The following URB2 variants were observed in gnomAD, a reference collection of about 807,000 sequenced individuals.
URB2 encodes unhealthy ribosome biogenesis protein 2 homolog.
Under a neutral mutation model 120.9 loss-of-function variants are expected in URB2, and 86 were observed. The observed-to-expected ratio is 0.71, with a 90% CI of 0.60 to 0.85. The LOEUF is 0.85. Ranked by LOEUF, URB2 falls within the 40% of genes least tolerant of loss-of-function variation. The probability of loss-of-function intolerance (pLI) is 0.00; values close to 1 mark genes in which losing one functional copy is unlikely to be tolerated. For synonymous variants in URB2, 755 were observed against 758.4 expected, an observed-to-expected ratio of 1.00 and a Z score of 0.07; for missense variants, 1,765 against 1,836.5, an observed-to-expected ratio of 0.96 and a Z score of 0.71.
rs541064479 is a variant in URB2 at position 229,647,873 on chromosome 1, T to C, written c.4149+121T>C. ...GATAATAATACAAATAACGATTTGC[T>C]AGGCAAACTTTCTGTTCTAGTAAAT... On this transcript the variant is annotated intron_variant, in intron 7 of 9. Coordinates refer to ENST00000258243, the MANE Select transcript of URB2 (RefSeq NM_014777.4). The C allele has an allele frequency of 3.0e-5, 43 of 1,442,602 alleles. No individual in the cohort carries two copies. The African/African-American group carries it at 4.4e-4, about 15-fold the overall frequency. The allele number at this position is 1,442,602 out of a possible 1,614,324, so 89.4% of individuals were successfully genotyped here. A position where few individuals can be genotyped will look rare whatever the true frequency, so the allele number is the denominator to read the frequency against.
At chr1:229,644,522 C>T (rs1164404211) in intron 5 of URB2, among the ~76,000 whole-genome samples, 2 of 152,160 alleles carry the variant, frequency 1.3e-5, no homozygotes, top group Non-Finnish European at 2.9e-5. Flanking sequence ...GGGAGGCGTG[C>T]ACCGTGCAGG....
At chr1:229,642,811 C>A (rs960703343) in intron 4 of URB2, among the ~76,000 whole-genome samples, 2 of 152,146 alleles carry the variant, frequency 1.3e-5, no homozygotes, top group Non-Finnish European at 2.9e-5. Flanking sequence ...GGTTAAGGCA[C>A]CAACCCCCAG....
chr1:229,645,216 T>C (rs954933313), intron 5 of URB2, among the ~76,000 whole-genome samples: 3 of 148,564 alleles, frequency 2.0e-5, no homozygotes, highest in African/African-American at 7.5e-5. Context: ...GCCCAGGAGG[T>C]GGAGGTTGCA....
intron 2 of URB2, among the ~76,000 whole-genome samples, chr1:229,629,315 T>C (rs1472258219): frequency 6.6e-6 from 1 of 152,244 alleles, no homozygotes; most frequent in Non-Finnish European, 1.5e-5. Context: ...TCCCAGACTT[T>C]CAACTCTTAA....
At chr1:229,630,757 G>A (rs1180582470) in intron 2 of URB2, among the ~76,000 whole-genome samples, 3 of 152,240 alleles carry the variant, frequency 2.0e-5, no homozygotes, top group South Asian at 4.1e-4. Context: ...GGAGGCCAAC[G>A]CAGGTGGATC....
At chr1:229,639,923 G>A (rs1013010028) in intron 4 of URB2, among the ~76,000 whole-genome samples, 4 of 152,208 alleles carry the variant, frequency 2.6e-5, no homozygotes, top group South Asian at 2.1e-4. Flanking sequence ...CTATGCAGCC[G>A]TTAAAAATAT....
At chr1:229,643,084 G>A (rs1000774013) in intron 4 of URB2, among the ~76,000 whole-genome samples, 15 of 152,230 alleles carry the variant, frequency 9.9e-5, no homozygotes, top group African/African-American at 3.4e-4. Context: ...AGTGAAGTAG[G>A]TTATCATCAA....
rs1013329097 is a variant in URB2, at chr1:229,637,461, G to C, written c.2848G>C (p.Gly950Arg). Residue 950 changes from glycine (G) to arginine (R), a missense_variant, in exon 4 of 10, where the codon GGT becomes CGT. By Grantham distance (125) the Gly-to-Arg change is moderately radical. Transcript: ENST00000258243. ...KFLTTCYQLL[G>R]YLQKGKSARS... ...CTTGACGACTTGCTACCAACTTCTT[G>C]GTTACTTGCAAAAGGGGAAAAGTGC... 6.2e-7 allele frequency: 1 copy of C among 1,614,118 alleles called. No homozygotes were observed. Among genetic ancestry groups the C allele is most frequent in the Non-Finnish European group, 8.5e-7 (1 of 1,180,034 alleles).
At chr1:229,649,295 A>T (rs1254620947) in intron 7 of URB2, among the ~76,000 whole-genome samples, 1 of 152,166 alleles carries the variant, frequency 6.6e-6, no homozygotes, top group Middle Eastern at 3.2e-3. Context: ...CCTGTTAACA[A>T]TTGCCTTTGA....
In URB2 at chr1:229,643,640, C is replaced by G; in HGVS notation, c.3742C>G (p.Gln1248Glu). 1 of 1,614,218 alleles carries G rather than the reference C, an allele frequency of 6.2e-7. No homozygotes were observed. The highest frequency in any genetic ancestry group is 8.5e-7 in the Non-Finnish European group (1 of 1,180,046). The change falls in exon 5 of 10, where the codon CAG becomes GAG. Residue 1248 changes from glutamine (Q) to glutamate (E), a missense_variant. Transcript: ENST00000258243. ...GACAGAGGACTTGAGGCTGGTGATG[C>G]AGTGTATTCTCCAGGGACTGGATGT... is the stretch of plus-strand genomic sequence containing the variant. ...GTTEDLRLVM[Q>E]CILQGLDVSN...
In URB2 at chr1:229,635,247, C is replaced by T. The variant is rs781756634; in HGVS notation, c.634C>T (p.Leu212Phe). The T allele has an allele frequency of 1.9e-6, 3 of 1,614,252 alleles. No homozygotes were observed. The highest frequency in any genetic ancestry group is 1.7e-5 in the Admixed American group (1 of 60,038). Residue 212 changes from leucine (L) to phenylalanine (F), a missense_variant, in exon 4 of 10, where the codon CTC (leucine) becomes TTC (phenylalanine). By Grantham distance (22) the Leu-to-Phe change is conservative. Coordinates refer to ENST00000258243, the MANE Select transcript of URB2 (RefSeq NM_014777.4). Reference protein sequence around the residue: ...LQPCLVLRHLLSGGTWTQAGQ... With the variant: ...LQPCLVLRHLFSGGTWTQAGQ... ...GCCGTGCCTGGTCCTGAGGCACTTA[C>T]TCTCTGGGGGCACATGGACGCAGGC...
In URB2 at chr1:229,636,779, C is replaced by G; in HGVS notation, c.2166C>G (p.Ser722=). Residue 722 remains serine (S), a synonymous_variant, in exon 4 of 10, where the codon TCC becomes TCG. Transcript: ENST00000258243. The part of the protein sequence containing the change: ...RKSLNQRTTA[S]WDGQVGMVSG... Reference sequence around the variant, plus strand: ...GCTTGAATCAGAGAACGACGGCTTCCTGGGATGGCCAAGTTGGGATGGTGA... The same window carrying G: ...GCTTGAATCAGAGAACGACGGCTTCGTGGGATGGCCAAGTTGGGATGGTGA... The G allele has an allele frequency of 6.2e-7, 1 of 1,612,206 alleles. No homozygotes were observed. Among genetic ancestry groups the G allele is most frequent in the Non-Finnish European group, 8.5e-7 (1 of 1,178,630 alleles).
intron 7 of URB2, among the ~76,000 whole-genome samples, chr1:229,648,938 C>G (rs75157462): frequency 0.013 from 1,925 of 152,302 alleles, 38 homozygotes; most frequent in African/African-American, 0.044. Context: ...GGGGTATAGC[C>G]TGTTGCTTCT....
At chr1:229,627,954 TA>T (rs934214361) in intron 2 of URB2, among the ~76,000 whole-genome samples, 195 bp downstream of exon 2, 5 of 151,168 alleles carry the variant, frequency 3.3e-5, no homozygotes, top group Non-Finnish European at 7.4e-5. Flanking sequence ...TTTTTTCTGT[TA>T]AAAAACCTCA....
At chr1:229,651,382 G>T in intron 8 of URB2, 60 bp downstream of exon 8, 1 of 1,405,716 alleles carries the variant, frequency 7.1e-7, no homozygotes, top group Admixed American at 2.3e-5. Context: ...TGTGGCTGCT[G>T]GCCACATATG....
At chr1:229,642,649 A>C (rs1371148190) in intron 4 of URB2, among the ~76,000 whole-genome samples, 1 of 152,190 alleles carries the variant, frequency 6.6e-6, no homozygotes, top group African/African-American at 2.4e-5. Flanking sequence ...ACTTCCTGAC[A>C]GTCATCCAGG....
At chr1:229,639,246 T>G (rs1007204704) in intron 4 of URB2, among the ~76,000 whole-genome samples, 1 of 152,180 alleles carries the variant, frequency 6.6e-6, no homozygotes. Context: ...CAGTGAGTCT[T>G]GATCCTGCCA....
At position 229,627,778 on chromosome 1, in the gene URB2, T is replaced by A; in HGVS notation, c.126+19T>A. Reference sequence around the variant, plus strand: ...AGAACAAGTAAGTTTAATGTGAAACTCATATTTTTACAGTCTGTCAAGATA... The same window carrying A: ...AGAACAAGTAAGTTTAATGTGAAACACATATTTTTACAGTCTGTCAAGATA... On this transcript the variant is annotated intron_variant, in intron 2 of 9. Coordinates refer to ENST00000258243, the MANE Select transcript of URB2 (RefSeq NM_014777.4). 1 of 1,598,046 alleles carries A rather than the reference T, an allele frequency of 6.3e-7. No individual in the cohort carries two copies. Among genetic ancestry groups the A allele is most frequent in the Admixed American group, 1.7e-5 (1 of 58,002 alleles).
intron 3 of URB2, among the ~76,000 whole-genome samples, chr1:229,632,790 C>T (rs529412566): frequency 6.0e-5 from 9 of 150,464 alleles, no homozygotes; most frequent in Admixed American, 1.3e-4. Context: ...GGCCAAAATC[C>T]GGACAGGAAT....
Sources: gnomAD v4.1 joint callset for allele counts (sites outside exome capture counted in the v4.1 genomes callset) on GRCh38, gnomAD v4.1.1 for gene constraint, MANE v1.5 for transcripts, NCBI Gene and HGNC (gene_info 2026-07-23, HGNC 2026-07-21) for gene names.